ADAM20: variants seen among roughly 807,000 people sequenced by gnomAD.
ADAM20 encodes ADAM metallopeptidase domain 20.
For missense variants in ADAM20, 871 were observed against 883.2 expected, an observed-to-expected ratio of 0.99 and a Z score of 0.18; for synonymous variants, 305 against 310.2, an observed-to-expected ratio of 0.98 and a Z score of 0.18.
chr14:70,524,546 C>T lies in ADAM20; in HGVS notation c.212G>A (p.Arg71Lys), dbSNP rs752625355. 6.2e-6 allele frequency: 10 copies of T among 1,613,986 alleles called. No individual in the cohort carries two copies. Among genetic ancestry groups the T allele is most frequent in the Non-Finnish European group, 8.5e-6 (10 of 1,179,942 alleles). Residue 71 changes from arginine to lysine, a missense_variant, in exon 2 of 2, where the codon AGA becomes AAA. By Grantham distance (26) the Arg-to-Lys change is conservative. Transcript: ENST00000256389. The part of the protein sequence containing the change: ...LSYSLRFGGQ[R>K]YIVHMRVNKL... ...ATTTACCCTCATGTGGACAATGTAT[C>T]TCTGTCCCCCAAACCGCAGGCTATA...
At chr14:70,571,296 G>C in the ADAM20 span, among the ~76,000 whole-genome samples, 2 of 152,148 alleles carry the variant, frequency 1.3e-5, no homozygotes, top group Non-Finnish European at 2.9e-5. Flanking sequence ...GACCCGGTAG[G>C]AGGTAATTGA....
At position 70,534,914 on chromosome 14, in the gene ADAM20, A is replaced by G. The variant is rs140497955; in HGVS notation, c.-294T>C. 4 of 152,206 alleles carry G rather than the reference A, an allele frequency of 2.6e-5. No individual in the cohort carries two copies. Among genetic ancestry groups the G allele is most frequent in the African/African-American group, 7.2e-5 (3 of 41,456 alleles). The allele number at this position is 152,206 out of a possible 1,614,324, so 9.4% of individuals were successfully genotyped here. On this transcript the variant is annotated 5_prime_UTR_variant, in exon 1 of 2. Coordinates refer to ENST00000256389, the MANE Select transcript of ADAM20 (RefSeq NM_003814.5). ...TTTTTTGGACAGGATATTGACAGAC[A>G]CAAGACTTGGTACTAGGAGTGATAC...
intron 1 of ADAM20, among the ~76,000 whole-genome samples, chr14:70,528,151 T>C (rs886558500): frequency 2.6e-5 from 4 of 152,226 alleles, no homozygotes; most frequent in Non-Finnish European, 5.9e-5. Flanking sequence ...AAAATGTTCA[T>C]ACTTTTGGCT....
chr14:70,531,901 T>C (rs1883719606), intron 1 of ADAM20, among the ~76,000 whole-genome samples: 1 of 152,106 alleles, frequency 6.6e-6, no homozygotes. Context: ...GAAGACTTAA[T>C]ATTGTTAAAA....
chr14:70,556,963 G>A, the ADAM20 span: 3 of 152,080 alleles, frequency 2.0e-5, no homozygotes, highest in Admixed American at 6.5e-5. Flanking sequence ...CACAATAAAC[G>A]ATGTTGATAT....
the ADAM20 span, among the ~76,000 whole-genome samples, chr14:70,560,448 C>T: frequency 1.3e-5 from 2 of 152,098 alleles, no homozygotes; most frequent in African/African-American, 2.4e-5. Flanking sequence ...GGAGGGAGAT[C>T]TTATTCACAA....
chr14:70,565,816 T>C, the ADAM20 span, among the ~76,000 whole-genome samples: 1 of 152,228 alleles, frequency 6.6e-6, no homozygotes, highest in African/African-American at 2.4e-5. Context: ...ATGGTCTATA[T>C]GCAAATACAT....
chr14:70,562,792 G>A, the ADAM20 span, among the ~76,000 whole-genome samples: 1 of 152,156 alleles, frequency 6.6e-6, no homozygotes, highest in East Asian at 1.9e-4. Context: ...CATGCTTCCT[G>A]TTAAGCCTGT....
chr14:70,535,468 T>C (rs1329359488), upstream of ADAM20, among the ~76,000 whole-genome samples: 1 of 152,166 alleles, frequency 6.6e-6, no homozygotes, highest in Admixed American at 6.5e-5. Context: ...TTGGATGATT[T>C]TAAACATGTA....
rs944817763 is a variant in ADAM20, at chr14:70,522,703, T to C, written c.2055A>G (p.Leu685=). Residue 685 remains leucine (L), a synonymous_variant, in exon 2 of 2, where the codon TTA becomes TTG. Transcript: ENST00000256389. The part of the protein sequence containing the change: ...GPPPKNNMEG[L]NVMGKLRYLS... ...GGTAACGCAACTTTCCCATCACATT[T>C]AATCCTTCCATGTTGTTCTTAGGAG... 6.2e-7 allele frequency: 1 copy of C among 1,614,072 alleles called. No homozygotes were observed. Among genetic ancestry groups the C allele is most frequent in the East Asian group, 2.2e-5 (1 of 44,870 alleles).
chr14:70,527,537 C>T (rs1336096200), intron 1 of ADAM20, among the ~76,000 whole-genome samples: 1 of 152,206 alleles, frequency 6.6e-6, no homozygotes, highest in Non-Finnish European at 1.5e-5. Flanking sequence ...CACTTACCAG[C>T]AAACTGAACA....
At chr14:70,565,717 T>C in the ADAM20 span, among the ~76,000 whole-genome samples, 33 of 152,350 alleles carry the variant, frequency 2.2e-4, no homozygotes, top group Non-Finnish European at 7.3e-5. Context: ...AAGTGTAATA[T>C]AGTTAGAACA....
At chr14:70,534,759 T>C (rs912852518) in intron 1 of ADAM20, 38 bp downstream of exon 1, 3 of 152,200 alleles carry the variant, frequency 2.0e-5, no homozygotes, top group Admixed American at 6.5e-5. Flanking sequence ...AATGTGCATA[T>C]AGTTAATAAT....
chr14:70,558,678 T>C, the ADAM20 span, among the ~76,000 whole-genome samples: 1 of 151,872 alleles, frequency 6.6e-6, no homozygotes, highest in Non-Finnish European at 1.5e-5. Context: ...GACATGAAAA[T>C]GAAGTAAAAA....
At chr14:70,576,587 C>T in the ADAM20 span, among the ~76,000 whole-genome samples, 3 of 152,088 alleles carry the variant, frequency 2.0e-5, no homozygotes, top group South Asian at 6.2e-4. Flanking sequence ...CCATAAACAA[C>T]TGACCCTCAG....
At chr14:70,566,897 G>A in the ADAM20 span, among the ~76,000 whole-genome samples, 7 of 152,052 alleles carry the variant, frequency 4.6e-5, no homozygotes, top group Admixed American at 1.3e-4. Context: ...CAGGAGAATT[G>A]CTCGAACCCA....
chr14:70,555,228 C>A, the ADAM20 span, among the ~76,000 whole-genome samples: 2 of 152,170 alleles, frequency 1.3e-5, no homozygotes, highest in Admixed American at 6.5e-5. Context: ...GTATTTTATA[C>A]TTGAAATTTA....
At chr14:70,531,312 T>A (rs1238185164) in intron 1 of ADAM20, among the ~76,000 whole-genome samples, 1 of 152,116 alleles carries the variant, frequency 6.6e-6, no homozygotes, top group Non-Finnish European at 1.5e-5. Context: ...TCCAACACAC[T>A]TTTTTGATAA....
chr14:70,569,530 CAG>C, the ADAM20 span, among the ~76,000 whole-genome samples: 1 of 152,066 alleles, frequency 6.6e-6, no homozygotes, highest in South Asian at 2.1e-4. Context: ...ATCTACCTCA[CAG>C]GGAACGGCAT....
Sources: gnomAD v4.1 joint callset for allele counts (sites outside exome capture counted in the v4.1 genomes callset) on GRCh38, gnomAD v4.1.1 for gene constraint, MANE v1.5 for transcripts, NCBI Gene and HGNC (gene_info 2026-07-23, HGNC 2026-07-21) for gene names.